The following CNTN3 variants were observed in gnomAD, a reference collection of about 807,000 sequenced individuals.
CNTN3 encodes the protein contactin-3.
In CNTN3, 60 loss-of-function variants were observed where a neutral mutation model predicts 119.1. That is an observed-to-expected ratio of 0.50 (90% confidence interval 0.41 to 0.62). The LOEUF (loss-of-function observed/expected upper bound fraction) is 0.62, where lower values mean the gene tolerates loss of function less well. CNTN3 is among the 20% of genes least tolerant of loss of function. The pLI is 0.00. For synonymous variants in CNTN3, 450 were observed against 438.7 expected (o/e 1.03, Z -0.32); for missense variants, 1,101 against 1,242.4 (o/e 0.89, Z 1.71).
chr3:74,349,672 A>C (rs1703770663), intron 11 of CNTN3, among the ~76,000 whole-genome samples: 1 of 152,206 alleles, frequency 6.6e-6, no homozygotes, highest in Non-Finnish European at 1.5e-5. Context: ...AAAAAATGCA[A>C]AAGTAGCATG....
chr3:74,566,228 A>G (rs1264457614), intron 1 of CNTN3, among the ~76,000 whole-genome samples: 2 of 152,112 alleles, frequency 1.3e-5, no homozygotes, highest in Admixed American at 1.3e-4. Flanking sequence ...CATATGAACA[A>G]AGTTAAAGGA....
rs1411315637 is a variant in CNTN3, at chr3:74,614,648, C to T, written c.-338G>A. Among the ~76,000 whole-genome samples, 1 of 149,574 alleles carries T rather than the reference C, an allele frequency of 6.7e-6. No individual in the cohort carries two copies. Among genetic ancestry groups the T allele is most frequent in the African/African-American group, 2.4e-5 (1 of 41,332 alleles). On this transcript the variant is annotated 5_prime_UTR_variant, in exon 1 of 23. Transcript: ENST00000263665. ...AGGCTGCTGTGGCTGCTGCCGGCGC[C>T]TAGCGAGCACTGCCCGTGCCTCCGC... is the stretch of plus-strand genomic sequence containing the variant.
intron 20 of CNTN3, among the ~76,000 whole-genome samples, chr3:74,275,181 C>T (rs191656981): frequency 4.7e-4 from 72 of 152,216 alleles, no homozygotes; most frequent in African/African-American, 1.6e-3. Flanking sequence ...TAAGAATAAT[C>T]GGCATTCCTA....
intron 13 of CNTN3, among the ~76,000 whole-genome samples, chr3:74,319,765 C>T (rs955974618): frequency 3.3e-5 from 5 of 151,020 alleles, no homozygotes; most frequent in African/African-American, 1.2e-4. Flanking sequence ...GCAACCTACT[C>T]ATCTGACAAA....
intron 11 of CNTN3, among the ~76,000 whole-genome samples, chr3:74,357,225 C>A (rs954836014): frequency 6.6e-6 from 1 of 151,712 alleles, no homozygotes; most frequent in East Asian, 1.9e-4. Flanking sequence ...CGTGCCTGGC[C>A]GATTATTCAA....
At chr3:74,308,449 G>A (rs973276920) in intron 13 of CNTN3, among the ~76,000 whole-genome samples, 10 of 152,182 alleles carry the variant, frequency 6.6e-5, no homozygotes, top group Admixed American at 2.6e-4. Flanking sequence ...AGGATTTTGA[G>A]TCCCAGCTTG....
At chr3:74,335,142 G>A (rs1703360075) in intron 12 of CNTN3, among the ~76,000 whole-genome samples, 1 of 152,146 alleles carries the variant, frequency 6.6e-6, no homozygotes, top group Non-Finnish European at 1.5e-5. Context: ...ATTTGAACTT[G>A]TAGGACATGT....
At chr3:74,302,140 T>C (rs902542414) in intron 14 of CNTN3, among the ~76,000 whole-genome samples, 14 of 152,316 alleles carry the variant, frequency 9.2e-5, no homozygotes, top group Middle Eastern at 3.4e-3. Context: ...GCTCCTGGTG[T>C]GATGCCTTTC....
intron 20 of CNTN3, among the ~76,000 whole-genome samples, chr3:74,280,794 C>T (rs757400270): frequency 2.8e-4 from 42 of 152,172 alleles, no homozygotes; most frequent in Non-Finnish European, 5.1e-4. Context: ...CAGGACACAA[C>T]GATGTCCTGG....
chr3:74,279,628 G>C (rs763727537), intron 20 of CNTN3, among the ~76,000 whole-genome samples: 65 of 151,256 alleles, frequency 4.3e-4, no homozygotes, highest in Non-Finnish European at 8.0e-4. Flanking sequence ...ATGGACTTTC[G>C]GGACTTGGGG....
At chr3:74,349,146 T>C (rs1296492146) in intron 11 of CNTN3, among the ~76,000 whole-genome samples, 1 of 150,814 alleles carries the variant, frequency 6.6e-6, no homozygotes, top group African/African-American at 2.4e-5. Context: ...ATGGGAACAG[T>C]AGATGTTAAA....
chr3:74,592,474 A>AAAAAC (rs1023136517), intron 1 of CNTN3, among the ~76,000 whole-genome samples: 9 of 143,902 alleles, frequency 6.3e-5, no homozygotes, highest in African/African-American at 2.2e-4. Context: ...AACAGAATGA[A>AAAAAC]ACACACACAC....
intron 11 of CNTN3, among the ~76,000 whole-genome samples, chr3:74,351,356 A>T (rs1302990120): frequency 6.6e-6 from 1 of 152,122 alleles, no homozygotes; most frequent in Non-Finnish European, 1.5e-5. Context: ...CTCATCCCTC[A>T]CTAAGAGTGT....
intron 11 of CNTN3, among the ~76,000 whole-genome samples, chr3:74,353,926 C>T (rs947678106): frequency 6.6e-6 from 1 of 152,038 alleles, no homozygotes. Flanking sequence ...AAAAATCCTT[C>T]TGTGTCCCTG....
chr3:74,448,995 A>C (rs2106943392), intron 4 of CNTN3, among the ~76,000 whole-genome samples: 1 of 152,234 alleles, frequency 6.6e-6, no homozygotes, highest in East Asian at 1.9e-4. Context: ...GACACTTCCC[A>C]GCTGCTAGAA....
At chr3:74,606,038 C>A (rs1407075636) in intron 1 of CNTN3, among the ~76,000 whole-genome samples, 2 of 151,908 alleles carry the variant, frequency 1.3e-5, no homozygotes, top group Non-Finnish European at 2.9e-5. Context: ...CTGCCCTCTC[C>A]CCTCAAAAAA....
intron 5 of CNTN3, among the ~76,000 whole-genome samples, chr3:74,388,274 AT>A (rs1374974976): frequency 6.6e-6 from 1 of 152,192 alleles, no homozygotes; most frequent in Non-Finnish European, 1.5e-5. Flanking sequence ...GTAAATATTT[AT>A]TGAGAATCTA....
chr3:74,480,669 G>A (rs1285000574), intron 4 of CNTN3, among the ~76,000 whole-genome samples: 2 of 146,470 alleles, frequency 1.4e-5, no homozygotes, highest in Non-Finnish European at 3.0e-5. Context: ...ATAGATGTTT[G>A]TACATGCTCA....
intron 4 of CNTN3, 25 bp from the exon 5 acceptor site, chr3:74,424,965 G>C: frequency 6.8e-7 from 1 of 1,475,284 alleles, no homozygotes; most frequent in Non-Finnish European, 9.2e-7. Context: ...AAACAAAACT[G>C]AATTTTAGAA....
Sources: gnomAD v4.1 joint callset for allele counts (sites outside exome capture counted in the v4.1 genomes callset) on GRCh38, gnomAD v4.1.1 for gene constraint, MANE v1.5 for transcripts, NCBI Gene and HGNC (gene_info 2026-07-23, HGNC 2026-07-21) for gene names.